The following KDM3A variants were observed in gnomAD, a reference collection of about 807,000 sequenced individuals.
The protein encoded by KDM3A is lysine demethylase 3A.
A neutral mutation model predicts 158.0 loss-of-function variants in KDM3A; 60 were observed. That is an observed-to-expected ratio of 0.38 (90% CI 0.31 to 0.47). KDM3A has a LOEUF of 0.47. Ranked by LOEUF, KDM3A falls within the 20% of genes least tolerant of loss-of-function variation. KDM3A has a pLI of 0.99. For synonymous variants in KDM3A, 608 were observed against 549.3 expected (o/e 1.11, Z -1.49); for missense variants, 1,319 against 1,574.3 (o/e 0.84, Z 2.74).
intron 11 of KDM3A, among the ~76,000 whole-genome samples, chr2:86,473,705 T>C (rs1401408228): frequency 6.6e-6 from 1 of 152,128 alleles, no homozygotes; most frequent in Non-Finnish European, 1.5e-5. Context: ...GCCGTAATCA[T>C]ACCACTGTAC....
intron 10 of KDM3A, among the ~76,000 whole-genome samples, chr2:86,469,373 G>A (rs762350645): frequency 6.6e-6 from 1 of 152,020 alleles, no homozygotes; most frequent in Non-Finnish European, 1.5e-5. Context: ...CAGCTCTCTG[G>A]GACCCTAAGA....
At chr2:86,474,522 G>A (rs1673561634) in intron 11 of KDM3A, among the ~76,000 whole-genome samples, 2 of 152,034 alleles carry the variant, frequency 1.3e-5, no homozygotes, top group Non-Finnish European at 2.9e-5. Flanking sequence ...AATTAGGCGG[G>A]AGTGGTGGCA....
chr2:86,439,018 T>C (rs554674394), upstream of KDM3A, among the ~76,000 whole-genome samples: 1 of 152,056 alleles, frequency 6.6e-6, no homozygotes, highest in Non-Finnish European at 1.5e-5. Flanking sequence ...CAGATGTTTT[T>C]TCGTTCATAT....
At chr2:86,450,706 A>G (rs147246984) in intron 3 of KDM3A, among the ~76,000 whole-genome samples, 187 of 152,250 alleles carry the variant, frequency 1.2e-3, no homozygotes, top group African/African-American at 3.8e-3. Context: ...AAGAGCTGCT[A>G]TGGAGATTCT....
Position 86,442,279 on chromosome 2 carries a change from C to T in KDM3A, c.186+46C>T, listed in dbSNP as rs748379939. 3.3e-6 allele frequency: 5 copies of T among 1,531,406 alleles called. No individual in the cohort carries two copies. The South Asian group carries it at 4.7e-5, about 14-fold the overall frequency. The allele number at this position is 1,531,406 out of a possible 1,614,324, so 94.9% of individuals were successfully genotyped here. On this transcript the variant is annotated intron_variant, in intron 2 of 25. Transcript: ENST00000312912. Reference sequence around the variant, plus strand: ...CTGCCACCGGACGTTTCGCAGTTACCGTGGTAACGCGACCATCGGTTCCCT... The same window carrying T: ...CTGCCACCGGACGTTTCGCAGTTACTGTGGTAACGCGACCATCGGTTCCCT...
upstream of KDM3A, chr2:86,441,215 T>A (rs1682682859): frequency 6.6e-6 from 1 of 152,358 alleles, no homozygotes; most frequent in South Asian, 2.1e-4. Context: ...AATTGTTTTT[T>A]TCTCTGGCCC....
chr2:86,466,585 A>G lies in KDM3A; in HGVS notation c.1221A>G (p.Pro407=), dbSNP rs571233127. The part of the protein sequence containing the change: ...TDQENRLESV[P]QALTGLPKEC... ...AGGAAAACAGATTGGAGTCTGTTCC[A>G]CAAGCATTGACTGGCCTTCCTAAGG... is the stretch of plus-strand genomic sequence containing the variant. The change falls in exon 10 of 26, where the codon CCA becomes CCG. Residue 407 remains proline, a synonymous_variant. Transcript: ENST00000312912. 1 of 1,613,966 alleles carries G rather than the reference A, an allele frequency of 6.2e-7. No homozygotes were observed. Among genetic ancestry groups the G allele is most frequent in the Admixed American group, 1.7e-5 (1 of 59,984 alleles).
chr2:86,466,844 G>A lies in KDM3A; in HGVS notation c.1480G>A (p.Glu494Lys). Reference protein sequence around the residue: ...LKESSVKVDNESCCSRSNNKI... With the variant: ...LKESSVKVDNKSCCSRSNNKI... ...GGAATCTTCAGTAAAAGTAGATAAT[G>A]AAAGCTGTTGTTCAAGAAGCAACAA... The change falls in exon 10 of 26, where the codon GAA (glutamate) becomes AAA (lysine). Residue 494 changes from glutamate to lysine, a missense_variant. Glu to Lys is a moderately conservative substitution (Grantham distance 56). Coordinates refer to ENST00000312912, the MANE Select transcript of KDM3A (RefSeq NM_018433.6). 4 of 1,609,510 alleles carry A rather than the reference G, an allele frequency of 2.5e-6. No individual in the cohort carries two copies. Among genetic ancestry groups the A allele is most frequent in the Non-Finnish European group, 3.4e-6 (4 of 1,178,228 alleles).
rs762011339 is a variant in KDM3A at position 86,477,932 on chromosome 2, C to T, written c.1995C>T (p.Cys665=). ...VKGVREMCDV[C]DTTIFNLHWV... ...GTGTTCGAGAAATGTGTGATGTGTG[C>T]GACACCACCATCTTCAACCTGCACT... The change falls in exon 13 of 26, where the codon TGC becomes TGT. Residue 665 remains cysteine (C), a synonymous_variant. Coordinates refer to ENST00000312912, the MANE Select transcript of KDM3A (RefSeq NM_018433.6). 2.4e-5 allele frequency: 38 copies of T among 1,613,832 alleles called. 2 individuals carry two copies. Among genetic ancestry groups the T allele is most frequent in the South Asian group, 8.8e-5 (8 of 91,074 alleles).
Position 86,480,286 on chromosome 2 carries a change from T to G in KDM3A, c.2436T>G (p.Pro812=), listed in dbSNP as rs771603999. ...AASKPAGSMK[P]ACPASTSPLN... is the part of the protein sequence containing the mutation. ...CCAAGCCAGCCGGCAGCATGAAGCCTGCCTGTCCAGCCAGCACATCTCCTC... is the reference window on the plus strand; with the variant it reads ...CCAAGCCAGCCGGCAGCATGAAGCCGGCCTGTCCAGCCAGCACATCTCCTC... Residue 812 remains proline, a synonymous_variant, in exon 16 of 26, where the codon CCT becomes CCG. Coordinates refer to ENST00000312912, the MANE Select transcript of KDM3A (RefSeq NM_018433.6). 2 of 1,614,118 alleles carry G rather than the reference T, an allele frequency of 1.2e-6. No homozygotes were observed. Among genetic ancestry groups the G allele is most frequent in the South Asian group, 2.2e-5 (2 of 91,074 alleles).
At position 86,485,709 on chromosome 2, in the gene KDM3A, T is replaced by G. The variant is rs779380418; in HGVS notation, c.3183-20T>G. The G allele has an allele frequency of 6.2e-7, 1 of 1,610,302 alleles. No individual in the cohort carries two copies. The highest frequency in any genetic ancestry group is 2.2e-5 in the East Asian group (1 of 44,754). ...AGAAAAGCAATCTAACTTTGCAAAT[T>G]CCTGGTTCTGTTGTTCTAGGTTTGA... On this transcript the variant is annotated intron_variant, in intron 20 of 25. Coordinates refer to ENST00000312912, the MANE Select transcript of KDM3A (RefSeq NM_018433.6).
In KDM3A at chr2:86,450,966, T is replaced by A. The variant is rs1347875228; in HGVS notation, c.343-137T>A. The A allele has an allele frequency of 1.4e-5, 8 of 569,972 alleles. No homozygotes were observed. The East Asian group carries it at 2.0e-4, about 14-fold the overall frequency. 35.3% of individuals were successfully genotyped at this position (569,972 alleles called of 1,614,324 possible). ...TATTATCTATGGCTGCATAAATAGT[T>A]GTTATGAGATAACTTGCAGTAAATA... On this transcript the variant is annotated intron_variant, in intron 3 of 25. Transcript: ENST00000312912.
chr2:86,468,177 G>A (rs762262686), intron 10 of KDM3A, among the ~76,000 whole-genome samples: 82 of 152,330 alleles, frequency 5.4e-4, no homozygotes, highest in Middle Eastern at 3.4e-3. Flanking sequence ...TTTTAGTATA[G>A]CATTGGAAGA....
At chr2:86,437,595 C>T (rs1264138299), upstream of KDM3A, among the ~76,000 whole-genome samples, 1 of 151,198 alleles carries the variant, frequency 6.6e-6, no homozygotes, top group Non-Finnish European at 1.5e-5. Context: ...ATATTTATGT[C>T]TTGATGTTTT....
At chr2:86,487,022 T>G (rs912805465) in intron 21 of KDM3A, 1 of 152,258 alleles carries the variant, frequency 6.6e-6, no homozygotes, top group African/African-American at 2.4e-5. Flanking sequence ...GTGTGCTCTC[T>G]CGAGGTCCTG....
intron 3 of KDM3A, 123 bp from the exon 4 acceptor site, chr2:86,450,980 T>G (rs1003808634): frequency 5.3e-5 from 31 of 585,420 alleles, no homozygotes; most frequent in Middle Eastern, 3.2e-4. Flanking sequence ...ATGAGATAAC[T>G]TGCAGTAAAT....
In KDM3A at chr2:86,492,357, C is replaced by T; in HGVS notation, c.*238C>T. The T allele has an allele frequency of 2.3e-6, 1 of 441,320 alleles. No individual in the cohort carries two copies. Among genetic ancestry groups the T allele is most frequent in the East Asian group, 3.5e-5 (1 of 28,186 alleles). 27.3% of individuals were successfully genotyped at this position (441,320 alleles called of 1,614,324 possible). Reference sequence around the variant, plus strand: ...CTTCTCACCTAGTGCAGAACTTTTACCAGGCTGTAAAAGCAAAACCTCGTA... The same window carrying T: ...CTTCTCACCTAGTGCAGAACTTTTATCAGGCTGTAAAAGCAAAACCTCGTA... On this transcript the variant is annotated 3_prime_UTR_variant, in exon 26 of 26. Transcript: ENST00000312912.
At chr2:86,480,101 G>C in intron 15 of KDM3A, 66 bp from the exon 16 acceptor site, 1 of 1,264,330 alleles carries the variant, frequency 7.9e-7, no homozygotes, top group Non-Finnish European at 1.1e-6. Context: ...TATTAGGAGA[G>C]AAGAAAAGAA....
intron 8 of KDM3A, among the ~76,000 whole-genome samples, chr2:86,462,947 C>T (rs1290722394): frequency 6.6e-6 from 1 of 151,986 alleles, no homozygotes; most frequent in Non-Finnish European, 1.5e-5. Flanking sequence ...AAAAACTAGC[C>T]GAGCATGGTG....
Sources: allele counts gnomAD v4.1 joint callset (sites outside exome capture counted in the v4.1 genomes callset), GRCh38; gene constraint gnomAD v4.1.1; transcripts MANE v1.5; gene names NCBI Gene and HGNC (gene_info 2026-07-23, HGNC 2026-07-21).